Variants in SPRY4 observed in about 807,000 individuals in gnomAD.
The protein encoded by SPRY4 is sprouty RTK signaling antagonist 4, also known as protein sprouty homolog 4.
A neutral mutation model predicts 17.0 loss-of-function variants in SPRY4; 7 were observed. The observed-to-expected ratio is 0.41, with a 90% CI of 0.23 to 0.77. SPRY4 has a LOEUF of 0.77. Among genes scored for constraint, SPRY4 ranks in the 30% least tolerant of loss-of-function variants. SPRY4 has a pLI of 0.32. For synonymous variants in SPRY4, 183 were observed against 174.1 expected, an observed-to-expected ratio of 1.05 and a Z score of -0.40; for missense variants, 435 against 419.9, an observed-to-expected ratio of 1.04 and a Z score of -0.31.
rs1225372360 is a variant in SPRY4, at chr5:142,312,093, G to C, written c.*2116C>G. On this transcript the variant is annotated 3_prime_UTR_variant, in exon 2 of 2. Transcript: ENST00000434127. ...AGGGAGGGGCCCTGGGAAGTTCTGAGGCCTCGCAGAAAGCGTGCAGATGTG... is the reference window on the plus strand; with the variant it reads ...AGGGAGGGGCCCTGGGAAGTTCTGACGCCTCGCAGAAAGCGTGCAGATGTG... The C allele has an allele frequency of 6.6e-6, 1 of 152,388 alleles. No homozygotes were observed. The highest frequency in any genetic ancestry group is 1.5e-5 in the Non-Finnish European group (1 of 68,022). 9.4% of individuals were successfully genotyped at this position (152,388 alleles called of 1,614,324 possible).
In SPRY4 at chr5:142,310,999, A is replaced by G. The variant is rs1758887632; in HGVS notation, c.*3210T>C. On this transcript the variant is annotated 3_prime_UTR_variant, in exon 2 of 2. Coordinates refer to ENST00000434127, the MANE Select transcript of SPRY4 (RefSeq NM_001127496.3). ...GTCATCCGGGTTCTGGTGCAGATCAACTTTCCACGTGTGCCATCTTGGACA... is the reference window on the plus strand; with the variant it reads ...GTCATCCGGGTTCTGGTGCAGATCAGCTTTCCACGTGTGCCATCTTGGACA... 1 of 152,220 alleles carries G rather than the reference A, an allele frequency of 6.6e-6. No homozygotes were observed. Among genetic ancestry groups the G allele is most frequent in the African/African-American group, 2.4e-5 (1 of 41,432 alleles). 9.4% of individuals were successfully genotyped at this position (152,220 alleles called of 1,614,324 possible).
At chr5:142,320,530 ACTTTGGG>A (rs11277842) in intron 1 of SPRY4, among the ~76,000 whole-genome samples, 2,069 of 152,278 alleles carry the variant, frequency 0.014, 41 homozygotes, top group African/African-American at 0.044. Context: ...ATCTTGCTGG[ACTTTGGG>A]CTTTGGGCTA....
chr5:142,315,671 A>G (rs1311351306), intron 1 of SPRY4: 1 of 153,672 alleles, frequency 6.5e-6, no homozygotes, highest in Non-Finnish European at 1.4e-5. Context: ...CAATATTGCT[A>G]TGAATGAGTT....
chr5:142,322,483 A>AAAAATAT (rs79291595), intron 1 of SPRY4, among the ~76,000 whole-genome samples: 1 of 117,528 alleles, frequency 8.5e-6, no homozygotes, highest in African/African-American at 2.7e-5. Flanking sequence ...AAAAAAAAAA[A>AAAAATAT]ATATATATAT....
At position 142,314,331 on chromosome 5, in the gene SPRY4, G is replaced by A; in HGVS notation, c.778C>T (p.Leu260=). 2 of 1,614,078 alleles carry A rather than the reference G, an allele frequency of 1.2e-6. No individual in the cohort carries two copies. The highest frequency in any genetic ancestry group is 1.7e-6 in the Non-Finnish European group (2 of 1,179,988). ...AGACGGTCGTAGCCACGCTGGGCCA[G>A]CTTCACGCAGCCGGTGGCAGGCAGG... is the stretch of plus-strand genomic sequence containing the variant. ...CYLPATGCVK[L]AQRGYDRLRR... The change falls in exon 2 of 2, where the codon CTG becomes TTG. Residue 260 remains leucine, a synonymous_variant. Transcript: ENST00000434127. This position sits in a 1 kb window ranked among gnomAD's most constrained non-coding sequence, Gnocchi z 4.8.
Position 142,314,212 on chromosome 5 carries a change from G to T in SPRY4, c.897C>A (p.Phe299Leu). The change falls in exon 2 of 2, where the codon TTC (phenylalanine) becomes TTA (leucine). Residue 299 changes from phenylalanine to leucine, a missense_variant. By Grantham distance (22) the Phe-to-Leu change is conservative. Coordinates refer to ENST00000434127, the MANE Select transcript of SPRY4 (RefSeq NM_001127496.3). This position sits in a 1 kb window ranked among gnomAD's most constrained non-coding sequence, Gnocchi z 4.8. The part of the protein sequence containing the change: ...DAKTSRPDKP[F>L] ...ACTGGGGCTTCGACACAAACTGTCAGAAAGGCTTGTCGGGCCTGCTGGTCT... is the reference window on the plus strand; with the variant it reads ...ACTGGGGCTTCGACACAAACTGTCATAAAGGCTTGTCGGGCCTGCTGGTCT... 6.2e-7 allele frequency: 1 copy of T among 1,605,396 alleles called. No individual in the cohort carries two copies.
Position 142,314,038 on chromosome 5 carries a change from T to C in SPRY4, c.*171A>G. On this transcript the variant is annotated 3_prime_UTR_variant, in exon 2 of 2. Transcript: ENST00000434127. This position sits in a 1 kb window ranked among gnomAD's most constrained non-coding sequence, Gnocchi z 4.8. ...AGTGCTTCTTCATCACCTTGGGGAA[T>C]ACAGGGTACGTGGTGGTGGTCTCTG... 1 of 685,478 alleles carries C rather than the reference T, an allele frequency of 1.5e-6. No homozygotes were observed. The highest frequency in any genetic ancestry group is 2.4e-6 in the Non-Finnish European group (1 of 417,840). 42.5% of individuals were successfully genotyped at this position (685,478 alleles called of 1,614,324 possible). A position where few individuals can be genotyped will look rare whatever the true frequency, so the allele number is the denominator to read the frequency against.
At chr5:142,322,995 C>G (rs182178588) in intron 1 of SPRY4, among the ~76,000 whole-genome samples, 36 of 148,858 alleles carry the variant, frequency 2.4e-4, no homozygotes, top group African/African-American at 7.2e-4. Context: ...AAAGAGAAAT[C>G]TTTAACTGCA....
chr5:142,314,503 C>T lies in SPRY4; in HGVS notation c.606G>A (p.Leu202=), dbSNP rs906877199. ...TGCAGTGGTAGAAGATGCCCTGCACCAAACACATGCACGTGCCATAGTTGA... is the reference window on the plus strand; with the variant it reads ...TGCAGTGGTAGAAGATGCCCTGCACTAAACACATGCACGTGCCATAGTTGA... ...TLVNYGTCMC[L]VQGIFYHCTN... Residue 202 remains leucine, a synonymous_variant, in exon 2 of 2, where the codon TTG becomes TTA. Coordinates refer to ENST00000434127, the MANE Select transcript of SPRY4 (RefSeq NM_001127496.3). The surrounding 1 kb of genome is among the most constrained non-coding windows in gnomAD (Gnocchi z 4.8). 9 of 1,614,090 alleles carry T rather than the reference C, an allele frequency of 5.6e-6. No homozygotes were observed. The Admixed American group carries it at 8.3e-5, about 15-fold the overall frequency.
Position 142,314,901 on chromosome 5 carries a change from C to T in SPRY4, c.208G>A (p.Gly70Arg), listed in dbSNP as rs1379051928. ...LTTGPKRTRG[G>R]APELAPTPAR... Reference sequence around the variant, plus strand: ...GGCGTCGGGGCCAGCTCTGGGGCCCCGCCCCGGGTCCGCTTTGGGCCGGTG... The same window carrying T: ...GGCGTCGGGGCCAGCTCTGGGGCCCTGCCCCGGGTCCGCTTTGGGCCGGTG... The change falls in exon 2 of 2, where the codon GGG becomes AGG. Residue 70 changes from glycine (G) to arginine (R), a missense_variant. Physicochemically the swap from Gly to Arg is moderately radical, Grantham distance 125 (BLOSUM62 -2). Transcript: ENST00000434127. The surrounding 1 kb of genome is among the most constrained non-coding windows in gnomAD (Gnocchi z 4.8). The T allele has an allele frequency of 1.2e-5, 20 of 1,607,080 alleles. No homozygotes were observed. The highest frequency in any genetic ancestry group is 1.6e-4 in the Middle Eastern group (1 of 6,064).
At chr5:142,319,708 C>T (rs1280805817) in intron 1 of SPRY4, 1 of 1,603,692 alleles carries the variant, frequency 6.2e-7, no homozygotes, top group Admixed American at 1.7e-5. Flanking sequence ...TCTGGGAGCC[C>T]AGAACCAGCC....
At chr5:142,319,156 G>T (rs1279016576) in intron 1 of SPRY4, among the ~76,000 whole-genome samples, 2 of 152,180 alleles carry the variant, frequency 1.3e-5, no homozygotes, top group African/African-American at 4.8e-5. Flanking sequence ...GGAAAGGCAT[G>T]AAAGTGCCAT....
chr5:142,314,827 C>A lies in SPRY4; in HGVS notation c.282G>T (p.Gly94=). The change falls in exon 2 of 2, where the codon GGG becomes GGT. Residue 94 remains glycine (G), a synonymous_variant. Transcript: ENST00000434127. The surrounding 1 kb of genome is among the most constrained non-coding windows in gnomAD (Gnocchi z 4.8). ...DVTHHWISFS[G]RPSSVSSSSS... ...TGCTGCTGCTCACAGAGCTGGGGCG[C>A]CCGCTGAAGGAGATCCAATGGTGGG... is the stretch of plus-strand genomic sequence containing the variant. The A allele has an allele frequency of 6.3e-7, 1 of 1,587,564 alleles. No homozygotes were observed. The highest frequency in any genetic ancestry group is 8.6e-7 in the Non-Finnish European group (1 of 1,163,614).
At chr5:142,322,340 A>T (rs1759370208) in intron 1 of SPRY4, among the ~76,000 whole-genome samples, 1 of 152,020 alleles carries the variant, frequency 6.6e-6, no homozygotes, top group Non-Finnish European at 1.5e-5. Flanking sequence ...GTGTGGTGGC[A>T]CACACCTGTA....
At chr5:142,318,834 TCCAC>T (rs1279291202) in intron 1 of SPRY4, among the ~76,000 whole-genome samples, 1 of 152,116 alleles carries the variant, frequency 6.6e-6, no homozygotes, top group Non-Finnish European at 1.5e-5. Context: ...GACTTTTACC[TCCAC>T]TCAACCTTCT....
In SPRY4 at chr5:142,314,853, T is replaced by C. The variant is rs554218538; in HGVS notation, c.256A>G (p.Thr86Ala). The C allele has an allele frequency of 2.5e-6, 4 of 1,590,332 alleles. No individual in the cohort carries two copies. The East Asian group carries it at 9.0e-5, about 36-fold the overall frequency. The change falls in exon 2 of 2, where the codon ACC (threonine) becomes GCC (alanine). Residue 86 changes from threonine (T) to alanine (A), a missense_variant. Transcript: ENST00000434127. This position sits in a 1 kb window ranked among gnomAD's most constrained non-coding sequence, Gnocchi z 4.8. ...CCGCTGAAGGAGATCCAATGGTGGGTGACATCCTGGTCACAGCGGGCGGGC... is the reference window on the plus strand; with the variant it reads ...CCGCTGAAGGAGATCCAATGGTGGGCGACATCCTGGTCACAGCGGGCGGGC... The part of the protein sequence containing the change: ...PTPARCDQDV[T>A]HHWISFSGRP...
At position 142,314,458 on chromosome 5, in the gene SPRY4, G is replaced by C; in HGVS notation, c.651C>G (p.Gly217=). The change falls in exon 2 of 2, where the codon GGC becomes GGG. Residue 217 remains glycine, a synonymous_variant. Transcript: ENST00000434127. The surrounding 1 kb of genome is among the most constrained non-coding windows in gnomAD (Gnocchi z 4.8). ...FYHCTNEDDE[G]SCADHPCSCS... ...AGGAGCAGGGGTGGTCAGCGCAGGA[G>C]CCCTCATCGTCCTCATTCGTGCAGT... 1 of 1,614,182 alleles carries C rather than the reference G, an allele frequency of 6.2e-7. No homozygotes were observed. The highest frequency in any genetic ancestry group is 8.5e-7 in the Non-Finnish European group (1 of 1,180,030).
intron 1 of SPRY4, chr5:142,317,600 C>T: frequency 1.0e-6 from 1 of 984,588 alleles, no homozygotes; most frequent in East Asian, 1.1e-4. Context: ...AAAAGACTCC[C>T]TTTCCTTAAG....
In SPRY4 at chr5:142,314,773, T is replaced by C; in HGVS notation, c.336A>G (p.Leu112=). 1 of 1,602,396 alleles carries C rather than the reference T, an allele frequency of 6.2e-7. No homozygotes were observed. Among genetic ancestry groups the C allele is most frequent in the Non-Finnish European group, 8.5e-7 (1 of 1,171,318 alleles). ...CCACGGGTGGTGGTGCCATGTGGTC[T>C]AAGAGCCGTTGGTCAGAGGATGTGC... ...SSSTSSDQRL[L]DHMAPPPVAD... Residue 112 remains leucine (L), a synonymous_variant, in exon 2 of 2, where the codon TTA becomes TTG. Transcript: ENST00000434127. The surrounding 1 kb of genome is among the most constrained non-coding windows in gnomAD (Gnocchi z 4.8).
Sources: gnomAD v4.1 joint callset for allele counts (sites outside exome capture counted in the v4.1 genomes callset) on GRCh38, gnomAD v4.1.1 for gene constraint, Gnocchi (gnomAD v3.1) non-coding constraint, MANE v1.5 for transcripts, NCBI Gene and HGNC (gene_info 2026-07-23, HGNC 2026-07-21) for gene names.